C2orf76: variants seen among roughly 807,000 people sequenced by gnomAD.
C2orf76 encodes UPF0538 protein C2orf76.
C2orf76 carries 23 observed loss-of-function variants against 16.9 expected under a neutral mutation model. The ratio of observed to expected loss-of-function variants is 1.36; its 90% confidence interval spans 0.98 to 1.93. C2orf76 has a LOEUF of 1.93. C2orf76 is among the 30% of genes most tolerant of loss of function. The pLI is 0.00. For synonymous variants in C2orf76, 48 were observed against 52.3 expected (o/e 0.92, Z 0.35); for missense variants, 152 against 152.6 (o/e 1.00, Z 0.02).
chr2:119,297,273 T>C (rs1361528376), downstream of C2orf76, among the ~76,000 whole-genome samples: 1 of 152,210 alleles, frequency 6.6e-6, no homozygotes, highest in Non-Finnish European at 1.5e-5. Flanking sequence ...ATAAAATACA[T>C]ACAGTGTCTG....
intron 1 of C2orf76, among the ~76,000 whole-genome samples, chr2:119,342,919 G>A (rs1384635142): frequency 2.0e-5 from 3 of 152,034 alleles, no homozygotes; most frequent in Non-Finnish European, 4.4e-5. Context: ...ACAGGTACGC[G>A]CCACCAGGCC....
chr2:119,316,011 T>C (rs1679160377), intron 4 of C2orf76, among the ~76,000 whole-genome samples: 1 of 152,258 alleles, frequency 6.6e-6, no homozygotes. Flanking sequence ...AGCCAAATGA[T>C]GTAGAACATG....
intron 1 of C2orf76, among the ~76,000 whole-genome samples, chr2:119,344,396 G>C (rs1373957815): frequency 6.6e-6 from 1 of 152,006 alleles, no homozygotes; most frequent in Non-Finnish European, 1.5e-5. Context: ...TGAAAAGGCA[G>C]AGAAGCCAAT....
At chr2:119,305,642 C>T (rs535774549) in intron 5 of C2orf76, among the ~76,000 whole-genome samples, 4 of 152,170 alleles carry the variant, frequency 2.6e-5, no homozygotes, top group Admixed American at 6.5e-5. Flanking sequence ...AAAAAAAATA[C>T]AGGAAGGGCG....
chr2:119,330,546 TC>T (rs1415210506), intron 2 of C2orf76, among the ~76,000 whole-genome samples: 3 of 152,150 alleles, frequency 2.0e-5, no homozygotes, highest in Non-Finnish European at 4.4e-5. Flanking sequence ...GTGGCTTTCT[TC>T]ATGTTTCTTT....
At chr2:119,330,877 T>C (rs995992231) in intron 2 of C2orf76, among the ~76,000 whole-genome samples, 4 of 152,224 alleles carry the variant, frequency 2.6e-5, no homozygotes, top group Admixed American at 2.0e-4. Context: ...ATATTTTCAA[T>C]TCAGGTATTT....
At chr2:119,304,454 C>T (rs764907040) in intron 5 of C2orf76, among the ~76,000 whole-genome samples, 1 of 152,214 alleles carries the variant, frequency 6.6e-6, no homozygotes, top group Admixed American at 6.5e-5. Context: ...GCAAGGAGTT[C>T]TGTTTTGACA....
Position 119,302,463 on chromosome 2 carries a change from G to T in C2orf76, c.*9C>A. On this transcript the variant is annotated 3_prime_UTR_variant, in exon 6 of 6. Transcript: ENST00000334816. ...ACAGGTATGCAAAAAGGAAGCCCTCGAGATGTTTTCACCAGGATGAAATGG... is the reference window on the plus strand; with the variant it reads ...ACAGGTATGCAAAAAGGAAGCCCTCTAGATGTTTTCACCAGGATGAAATGG... 1 of 1,169,442 alleles carries T rather than the reference G, an allele frequency of 8.6e-7. No individual in the cohort carries two copies. The highest frequency in any genetic ancestry group is 1.2e-6 in the Non-Finnish European group (1 of 810,736). The allele number at this position is 1,169,442 out of a possible 1,614,324, so 72.4% of individuals were successfully genotyped here.
intron 1 of C2orf76, among the ~76,000 whole-genome samples, chr2:119,345,670 C>T (rs370834929): frequency 6.6e-6 from 1 of 152,186 alleles, no homozygotes; most frequent in African/African-American, 2.4e-5. Context: ...AACATTTTAC[C>T]CTTCCTTTCT....
At chr2:119,349,819 G>C (rs981456598) in intron 1 of C2orf76, among the ~76,000 whole-genome samples, 2 of 152,168 alleles carry the variant, frequency 1.3e-5, no homozygotes, top group African/African-American at 4.8e-5. Flanking sequence ...ATCTGTTTTA[G>C]AGGTCTGGCC....
chr2:119,366,298 G>C, intron 1 of C2orf76: 3 of 395,178 alleles, frequency 7.6e-6, no homozygotes, highest in Non-Finnish European at 1.5e-5. Flanking sequence ...TGAGCACTTC[G>C]TCCCGTCCAA....
chr2:119,334,148 A>G (rs1363261478), intron 2 of C2orf76, among the ~76,000 whole-genome samples: 1 of 152,136 alleles, frequency 6.6e-6, no homozygotes, highest in Admixed American at 6.5e-5. Context: ...TACATACTGT[A>G]TGATTCCAAT....
At chr2:119,357,742 G>T (rs748290321) in intron 1 of C2orf76, among the ~76,000 whole-genome samples, 5 of 152,044 alleles carry the variant, frequency 3.3e-5, no homozygotes, top group Non-Finnish European at 7.4e-5. Context: ...GTGAAACAAT[G>T]CAAGACAAGG....
At chr2:119,344,965 T>C (rs55951733) in intron 1 of C2orf76, among the ~76,000 whole-genome samples, 16,982 of 152,098 alleles carry the variant, frequency 0.11, 1,109 homozygotes, top group African/African-American at 0.17. Context: ...AATAATGGAT[T>C]TGGGGAAAAG....
intron 1 of C2orf76, among the ~76,000 whole-genome samples, chr2:119,343,024 C>G (rs1259763514): frequency 6.6e-6 from 1 of 152,116 alleles, no homozygotes; most frequent in African/African-American, 2.4e-5. Context: ...CCTGGCTCGG[C>G]CTCCCAAAGT....
chr2:119,361,145 G>A (rs1277258128), intron 1 of C2orf76, among the ~76,000 whole-genome samples: 8 of 152,218 alleles, frequency 5.3e-5, no homozygotes, highest in African/African-American at 4.8e-5. Flanking sequence ...ATGTACAAGA[G>A]ATCTCTCTAG....
In C2orf76 at chr2:119,311,698, A is replaced by G; in HGVS notation, c.228T>C (p.Asn76=). The part of the protein sequence containing the change: ...IIHQAHKSKT[N]ELVLSLEDDE... ...CATCTTCCAAACTCAACACAAGTTC[A>G]TTTGTCTAAAAAAAAAAAAGAAAAT... The change falls in exon 5 of 6, where the codon AAT becomes AAC. Residue 76 remains asparagine, a synonymous_variant. Coordinates refer to ENST00000334816, the MANE Select transcript of C2orf76 (RefSeq NM_001322331.2). 6.3e-7 allele frequency: 1 copy of G among 1,599,404 alleles called. No individual in the cohort carries two copies. The highest frequency in any genetic ancestry group is 8.5e-7 in the Non-Finnish European group (1 of 1,178,532).
downstream of C2orf76, chr2:119,302,123 A>G (rs1353439653): frequency 1.2e-5 from 2 of 160,964 alleles, no homozygotes; most frequent in Non-Finnish European, 2.7e-5. Context: ...AAACAGTATG[A>G]TCTTAGTCTT....
At chr2:119,310,024 T>A (rs138721448) in intron 5 of C2orf76, among the ~76,000 whole-genome samples, 1 of 152,362 alleles carries the variant, frequency 6.6e-6, no homozygotes, top group East Asian at 1.9e-4. Context: ...TTTTCCTGAA[T>A]GCTTTGGCAA....
Sources: allele counts gnomAD v4.1 joint callset (sites outside exome capture counted in the v4.1 genomes callset), GRCh38; gene constraint gnomAD v4.1.1; transcripts MANE v1.5; gene names NCBI Gene and HGNC (gene_info 2026-07-23, HGNC 2026-07-21).